ATG7: variants seen among roughly 807,000 people sequenced by gnomAD.
ATG7 encodes the protein ubiquitin-like modifier-activating enzyme ATG7.
Under a neutral mutation model 82.4 loss-of-function variants are expected in ATG7, and 70 were observed. The observed-to-expected ratio is 0.85, with a 90% confidence interval of 0.70 to 1.04. The LOEUF (loss-of-function observed/expected upper bound fraction) is 1.04. Among genes scored for constraint, ATG7 ranks in the 50% least tolerant of loss-of-function variants. The pLI, the probability that ATG7 is intolerant of heterozygous loss-of-function variation, is 0.00. For missense variants in ATG7, 792 were observed against 864.3 expected, an observed-to-expected ratio of 0.92 and a Z score of 1.05; for synonymous variants, 287 against 313.0, an observed-to-expected ratio of 0.92 and a Z score of 0.88.
chr3:11,503,094 T>C (rs1204052226), intron 20 of ATG7, among the ~76,000 whole-genome samples: 1 of 152,148 alleles, frequency 6.6e-6, no homozygotes, highest in Non-Finnish European at 1.5e-5. Context: ...CTCAAATACC[T>C]TCCAGGCAGG....
chr3:11,561,145 C>CAATA (rs1487660514), downstream of ATG7, among the ~76,000 whole-genome samples: 1 of 152,090 alleles, frequency 6.6e-6, no homozygotes, highest in Non-Finnish European at 1.5e-5. Flanking sequence ...AGGGTCCTCC[C>CAATA]AATAAAACTC....
chr3:11,381,558 C>A (rs2152850706), intron 19 of ATG7, among the ~76,000 whole-genome samples: 1 of 152,192 alleles, frequency 6.6e-6, no homozygotes, highest in South Asian at 2.1e-4. Flanking sequence ...ACTGGGCGTT[C>A]CTTATACTTT....
chr3:11,476,167 T>C (rs2088188151), intron 20 of ATG7, among the ~76,000 whole-genome samples: 1 of 152,206 alleles, frequency 6.6e-6, no homozygotes, highest in Non-Finnish European at 1.5e-5. Context: ...TCAAAACTGA[T>C]GTCACCTGTA....
chr3:11,339,164 C>G (rs2594981), intron 11 of ATG7, among the ~76,000 whole-genome samples: 79,143 of 151,458 alleles, frequency 0.52, 21,736 homozygotes, highest in Non-Finnish European at 0.63. Flanking sequence ...GGCATGCTGG[C>G]GGGCGCGTGT....
chr3:11,425,147 G>A (rs1414654437), intron 19 of ATG7, among the ~76,000 whole-genome samples: 1 of 151,912 alleles, frequency 6.6e-6, no homozygotes, highest in African/African-American at 2.4e-5. Context: ...GTTTTTTTGT[G>A]GAGACAAGGT....
In ATG7 at chr3:11,384,635, C is replaced by T. The variant is rs1179191322; in HGVS notation, c.1956+4583C>T. On this transcript the variant is annotated intron_variant, in intron 19 of 20. Coordinates refer to ENST00000693202, the MANE Select transcript of ATG7 (RefSeq NM_001349232.2). ...ATTTTTTTGATATTATATAATCCTA[C>T]CTACCTTCTATCATGTTTTCTTGTT... Among the ~76,000 whole-genome samples the T allele has an allele frequency of 4.6e-5, 7 of 152,268 alleles. No homozygotes were observed. In the East Asian group the frequency reaches 1.2e-3, roughly 25 times the overall value.
At chr3:11,342,966 G>T (rs1166606952) in intron 13 of ATG7, among the ~76,000 whole-genome samples, 1 of 149,524 alleles carries the variant, frequency 6.7e-6, no homozygotes, top group Non-Finnish European at 1.5e-5. Flanking sequence ...GTCTCACTCT[G>T]TCACCCAGGC....
chr3:11,272,953 G>C (rs1940820220), intron 1 of ATG7, among the ~76,000 whole-genome samples: 1 of 152,198 alleles, frequency 6.6e-6, no homozygotes, highest in Non-Finnish European at 1.5e-5. Flanking sequence ...TGCACAATAA[G>C]AATCAATCCG....
intron 20 of ATG7, among the ~76,000 whole-genome samples, chr3:11,533,162 G>A (rs1161218651): frequency 6.6e-6 from 1 of 152,168 alleles, no homozygotes; most frequent in Non-Finnish European, 1.5e-5. Flanking sequence ...CCCGGGGCTT[G>A]GGAGGCCCCT....
At chr3:11,524,860 A>G (rs544656999) in intron 20 of ATG7, among the ~76,000 whole-genome samples, 2 of 152,286 alleles carry the variant, frequency 1.3e-5, no homozygotes, top group South Asian at 2.1e-4. Context: ...TTGTCCTGTC[A>G]TCCTCCAGGT....
At chr3:11,317,590 T>C (rs1288700899) in intron 9 of ATG7, among the ~76,000 whole-genome samples, 2 of 147,702 alleles carry the variant, frequency 1.4e-5, no homozygotes, top group Admixed American at 6.8e-5. Context: ...CTTTCTTTTT[T>C]TTTTTTTTTT....
intron 19 of ATG7, among the ~76,000 whole-genome samples, chr3:11,416,979 T>C (rs1326699269): frequency 6.6e-6 from 1 of 152,204 alleles, no homozygotes; most frequent in African/African-American, 2.4e-5. Context: ...CTTACATATA[T>C]TGAGATATTC....
At chr3:11,358,369 T>C (rs1203211264) in intron 14 of ATG7, 49 bp from the exon 15 acceptor site, 12 of 1,549,468 alleles carry the variant, frequency 7.7e-6, no homozygotes, top group South Asian at 2.5e-5. Flanking sequence ...CTCTGAGATA[T>C]TACCTATACC....
rs1485025215 is a variant in ATG7, at chr3:11,297,556, A to C, written c.-10-1130A>C. ...GTATGGAGGGATTATAGAAAGTTAC[A>C]GTATACGTATGCATGATTGCCAGGA... On this transcript the variant is annotated intron_variant, in intron 3 of 20. Transcript: ENST00000693202. 5.3e-5 allele frequency among the ~76,000 whole-genome samples: 8 copies of C among 152,190 alleles called. 1 individual carries two copies. In the East Asian group the frequency reaches 1.5e-3, roughly 29 times the overall value.
At chr3:11,334,803 C>T (rs892925280) in intron 11 of ATG7, among the ~76,000 whole-genome samples, 1 of 151,498 alleles carries the variant, frequency 6.6e-6, no homozygotes, top group East Asian at 2.0e-4. Flanking sequence ...ACTAAAAATA[C>T]AAAAATGAGC....
At chr3:11,415,030 C>T (rs1378637948) in intron 19 of ATG7, among the ~76,000 whole-genome samples, 2 of 152,196 alleles carry the variant, frequency 1.3e-5, no homozygotes, top group African/African-American at 4.8e-5. Context: ...CTTATACAAA[C>T]CGTGACAGCA....
intron 3 of ATG7, among the ~76,000 whole-genome samples, chr3:11,297,697 T>G (rs914254329): frequency 2.0e-5 from 3 of 152,096 alleles, no homozygotes; most frequent in African/African-American, 7.2e-5. Context: ...TTCAAAGAAA[T>G]TTAGGCACTG....
At chr3:11,449,850 C>T (rs564010923) in intron 20 of ATG7, among the ~76,000 whole-genome samples, 1 of 152,302 alleles carries the variant, frequency 6.6e-6, no homozygotes, top group East Asian at 1.9e-4. Context: ...ATGGAAAACG[C>T]ATTAACTGCT....
rs547208635 is a variant in ATG7, at chr3:11,498,650, G to A, written c.2080-56161G>A. 3.3e-5 allele frequency among the ~76,000 whole-genome samples: 5 copies of A among 152,316 alleles called. 1 individual carries two copies. Among genetic ancestry groups the A allele is most frequent in the African/African-American group, 1.2e-4 (5 of 41,574 alleles). On this transcript the variant is annotated intron_variant, in intron 20 of 20. Transcript: ENST00000693202. ...CAAGACCTGCTGGCCAGACTGGTGA[G>A]GCCAGGTGTCCTCACTGACTCCAGA... is the stretch of plus-strand genomic sequence containing the variant.
Sources: gnomAD v4.1 joint callset for allele counts (sites outside exome capture counted in the v4.1 genomes callset) on GRCh38, gnomAD v4.1.1 for gene constraint, MANE v1.5 for transcripts, NCBI Gene and HGNC (gene_info 2026-07-23, HGNC 2026-07-21) for gene names.